CTNNA2: variants seen among roughly 807,000 people sequenced by gnomAD.
CTNNA2 encodes the protein catenin alpha-2.
Under a neutral mutation model 101.0 loss-of-function variants are expected in CTNNA2, and 42 were observed. The ratio of observed to expected loss-of-function variants is 0.42; its 90% CI spans 0.32 to 0.54. The LOEUF is 0.54. Among genes scored for constraint, CTNNA2 ranks in the 20% least tolerant of loss-of-function variants. The pLI, the probability that CTNNA2 is intolerant of heterozygous loss-of-function variation, is 0.14. For synonymous variants in CTNNA2, 450 were observed against 456.4 expected, an observed-to-expected ratio of 0.99 and a Z score of 0.18; for missense variants, 871 against 1,223.1, an observed-to-expected ratio of 0.71 and a Z score of 4.29.
At chr2:80,016,952 T>G (rs1000461122) in intron 7 of CTNNA2, among the ~76,000 whole-genome samples, 1 of 152,302 alleles carries the variant, frequency 6.6e-6, no homozygotes, top group Non-Finnish European at 1.5e-5. Context: ...CCTCAAACTA[T>G]CAAAGCCTCT....
intron 9 of CTNNA2, among the ~76,000 whole-genome samples, chr2:80,450,154 A>G (rs1297888141): frequency 6.6e-6 from 1 of 152,236 alleles, no homozygotes; most frequent in African/African-American, 2.4e-5. Flanking sequence ...TAAGATGTTA[A>G]TAGATATTCC....
At chr2:79,639,943 TGTG>T (rs140883966) in intron 1 of CTNNA2, among the ~76,000 whole-genome samples, 6,946 of 151,774 alleles carry the variant, frequency 0.046, 442 homozygotes, top group African/African-American at 0.14. Context: ...TGTGTGTGTG[TGTG>T]TGTGTGTGTG....
chr2:79,474,324 G>A (rs1467290158), intron 4 of CTNNA2, among the ~76,000 whole-genome samples: 1 of 152,064 alleles, frequency 6.6e-6, no homozygotes, highest in Non-Finnish European at 1.5e-5. Flanking sequence ...GCAATACAAA[G>A]GAATGAACTA....
chr2:80,142,054 T>G (rs1305303488), intron 7 of CTNNA2, among the ~76,000 whole-genome samples: 1 of 152,086 alleles, frequency 6.6e-6, no homozygotes, highest in Non-Finnish European at 1.5e-5. Context: ...GGAGGTCAGA[T>G]GTAATATTCT....
At chr2:79,261,845 A>G (rs1674926280) in intron 2 of CTNNA2, among the ~76,000 whole-genome samples, 1 of 152,370 alleles carries the variant, frequency 6.6e-6, no homozygotes, top group South Asian at 2.1e-4. Flanking sequence ...AAGCAGAGAT[A>G]GGGAAAGGTA....
chr2:80,334,283 G>T (rs1419849310), intron 7 of CTNNA2, among the ~76,000 whole-genome samples: 2 of 152,100 alleles, frequency 1.3e-5, no homozygotes, highest in East Asian at 1.9e-4. Context: ...CTCTGTGTAT[G>T]ATGAGTCTCA....
rs187274692 is a variant in CTNNA2, at chr2:80,185,316, C to A, written c.1057-207895C>A. Among the ~76,000 whole-genome samples, 179 of 152,294 alleles carry A rather than the reference C, an allele frequency of 1.2e-3. 1 individual carries two copies. The highest frequency in any genetic ancestry group is 4.0e-3 in the African/African-American group (165 of 41,558). On this transcript the variant is annotated intron_variant, in intron 7 of 18. Coordinates refer to ENST00000402739, the MANE Select transcript of CTNNA2 (RefSeq NM_001282597.3). ...TCATCAGACTGAGCGAGTCAGAGGG[C>A]AAGAGAGGGAGTAGTAACAAGAGGG...
At chr2:79,553,570 C>T (rs1221727819) in intron 1 of CTNNA2, among the ~76,000 whole-genome samples, 1 of 152,082 alleles carries the variant, frequency 6.6e-6, no homozygotes, top group Non-Finnish European at 1.5e-5. Flanking sequence ...GGAGGGGCCT[C>T]AAGAAACTTA....
At chr2:79,277,386 G>C (rs555651630) in intron 2 of CTNNA2, among the ~76,000 whole-genome samples, 1 of 151,928 alleles carries the variant, frequency 6.6e-6, no homozygotes, top group Non-Finnish European at 1.5e-5. Flanking sequence ...TCCAATATCA[G>C]CCATAGGTGA....
At chr2:79,654,148 A>C (rs1370588277) in intron 2 of CTNNA2, among the ~76,000 whole-genome samples, 1 of 152,142 alleles carries the variant, frequency 6.6e-6, no homozygotes, top group African/African-American at 2.4e-5. Flanking sequence ...GAGATCTATA[A>C]TTTTTGTATT....
At chr2:80,421,415 A>T (rs895861652) in intron 9 of CTNNA2, among the ~76,000 whole-genome samples, 1 of 152,146 alleles carries the variant, frequency 6.6e-6, no homozygotes, top group African/African-American at 2.4e-5. Context: ...ACATATTTGA[A>T]TTTCAAACTT....
At chr2:79,342,048 T>C (rs1677150352) in intron 3 of CTNNA2, among the ~76,000 whole-genome samples, 1 of 152,178 alleles carries the variant, frequency 6.6e-6, no homozygotes, top group Non-Finnish European at 1.5e-5. Flanking sequence ...AGCTCCTATA[T>C]TTTTAGTCAT....
chr2:79,236,576 C>A (rs1674560407), intron 2 of CTNNA2, among the ~76,000 whole-genome samples: 2 of 152,204 alleles, frequency 1.3e-5, no homozygotes, highest in South Asian at 4.1e-4. Flanking sequence ...CTCTAGCATT[C>A]AATGCTGTCT....
intron 3 of CTNNA2, among the ~76,000 whole-genome samples, chr2:79,359,994 A>T (rs1182911592): frequency 6.6e-6 from 1 of 152,176 alleles, no homozygotes; most frequent in South Asian, 2.1e-4. Flanking sequence ...TTTAGAATTT[A>T]TCTAGTTTTA....
intron 7 of CTNNA2, among the ~76,000 whole-genome samples, chr2:80,052,104 A>G (rs1696914058): frequency 1.3e-5 from 2 of 152,182 alleles, no homozygotes; most frequent in African/African-American, 4.8e-5. Flanking sequence ...AACAGCATAG[A>G]CTCACAAAGT....
intron 7 of CTNNA2, among the ~76,000 whole-genome samples, chr2:80,216,190 C>G (rs1292525145): frequency 6.6e-6 from 1 of 152,148 alleles, no homozygotes; most frequent in African/African-American, 2.4e-5. Context: ...AAAGGGAATT[C>G]CCCGACCCCT....
At chr2:79,496,820 A>T (rs1355752340) in intron 4 of CTNNA2, among the ~76,000 whole-genome samples, 7 of 152,150 alleles carry the variant, frequency 4.6e-5, no homozygotes, top group Admixed American at 2.0e-4. Context: ...AAATAAAAAA[A>T]TATTAAACTT....
Position 80,250,963 on chromosome 2 carries a change from A to G in CTNNA2, c.1057-142248A>G, listed in dbSNP as rs186385898. 5.0e-3 allele frequency among the ~76,000 whole-genome samples: 757 copies of G among 152,304 alleles called. 4 individuals carry two copies. Among genetic ancestry groups the G allele is most frequent in the Non-Finnish European group, 7.6e-3 (517 of 68,024 alleles). On this transcript the variant is annotated intron_variant, in intron 7 of 18. Coordinates refer to ENST00000402739, the MANE Select transcript of CTNNA2 (RefSeq NM_001282597.3). ...TACTTCAAGGGGAAAAATTAACTCT[A>G]GAGTAGTCATCAACTTATGGGCTAA...
At chr2:80,065,363 ATT>A (rs34605273) in intron 7 of CTNNA2, among the ~76,000 whole-genome samples, 108 of 144,478 alleles carry the variant, frequency 7.5e-4, no homozygotes, top group East Asian at 7.4e-3. Context: ...TCTCCATTCT[ATT>A]TTTTTTTTTT....
Sources: allele counts gnomAD v4.1 joint callset (sites outside exome capture counted in the v4.1 genomes callset), GRCh38; gene constraint gnomAD v4.1.1; transcripts MANE v1.5; gene names NCBI Gene and HGNC (gene_info 2026-07-23, HGNC 2026-07-21).